Variants in STX8 observed in about 807,000 individuals in gnomAD.
STX8 encodes syntaxin-8.
A neutral mutation model predicts 37.5 loss-of-function variants in STX8; 23 were observed. That is an observed-to-expected ratio of 0.61 (90% CI 0.44 to 0.87). STX8 has a LOEUF of 0.87. STX8 is among the 40% of genes least tolerant of loss of function. The pLI is 0.00. For missense variants in STX8, 313 were observed against 284.7 expected, an observed-to-expected ratio of 1.10 and a Z score of -0.71; for synonymous variants, 115 against 99.1, an observed-to-expected ratio of 1.16 and a Z score of -0.95.
chr17:9,268,296 AAAAG>A (rs1907303806), intron 7 of STX8, among the ~76,000 whole-genome samples: 1 of 152,058 alleles, frequency 6.6e-6, no homozygotes, highest in Non-Finnish European at 1.5e-5. Flanking sequence ...AAAAAAAAAA[AAAAG>A]AGAGAGAGAG....
intron 6 of STX8, among the ~76,000 whole-genome samples, chr17:9,418,839 AG>A (rs1189869899): frequency 0.034 from 1,180 of 34,230 alleles, 3 homozygotes; most frequent in African/African-American, 0.075. Flanking sequence ...AAAAAAAAAA[AG>A]GGGGGGGGGA....
chr17:9,393,721 C>T (rs1158291902), intron 6 of STX8, among the ~76,000 whole-genome samples: 3 of 151,994 alleles, frequency 2.0e-5, no homozygotes, highest in African/African-American at 4.8e-5. Flanking sequence ...AATAAAAAAG[C>T]GGTACTAAGA....
intron 7 of STX8, chr17:9,378,106 A>G (rs1188349657): frequency 6.3e-6 from 1 of 158,316 alleles, no homozygotes; most frequent in African/African-American, 2.4e-5. Flanking sequence ...TTATCTTGGC[A>G]TATGAATCCC....
At chr17:9,544,850 G>A (rs1462664264) in intron 4 of STX8, among the ~76,000 whole-genome samples, 2 of 152,056 alleles carry the variant, frequency 1.3e-5, no homozygotes, top group African/African-American at 4.8e-5. Context: ...AAATTAGTCG[G>A]GCACGGTGGC....
rs574656364 is a variant in STX8, at chr17:9,322,607, G to A, written c.643+55945C>T. Among the ~76,000 whole-genome samples, 5 of 152,194 alleles carry A rather than the reference G, an allele frequency of 3.3e-5. No homozygotes were observed. The East Asian group carries it at 9.7e-4, about 29-fold the overall frequency. ...TTCACACCAGTCACCCTTGGAGACT[G>A]CTATTTATGCTAAAGAAATTTATCC... On this transcript the variant is annotated intron_variant, in intron 7 of 7. Transcript: ENST00000306357.
chr17:9,378,521 G>T, intron 7 of STX8, 31 bp downstream of exon 7: 1 of 1,570,546 alleles, frequency 6.4e-7, no homozygotes, highest in Non-Finnish European at 8.8e-7. Context: ...AGCTATGACA[G>T]AAACAGAGCC....
At chr17:9,518,508 T>C (rs1905221410) in intron 4 of STX8, among the ~76,000 whole-genome samples, 1 of 152,212 alleles carries the variant, frequency 6.6e-6, no homozygotes, top group South Asian at 2.1e-4. Context: ...GACTTAGATC[T>C]GCTCCTCTCA....
intron 6 of STX8, among the ~76,000 whole-genome samples, chr17:9,387,987 T>C (rs898150785): frequency 6.6e-6 from 1 of 152,132 alleles, no homozygotes; most frequent in African/African-American, 2.4e-5. Flanking sequence ...GGGATTAATG[T>C]TTTAATCTAG....
In STX8 at chr17:9,410,064, G is replaced by C. The variant is rs79061439; in HGVS notation, c.542-31411C>G. On this transcript the variant is annotated intron_variant, in intron 6 of 7. Transcript: ENST00000306357. ...GGGCAAGAAATCCAAAAACTGCTTT[G>C]GCAAGAGAACAGACAAATGCGATGG... Among the ~76,000 whole-genome samples the C allele has an allele frequency of 4.2e-3, 646 of 152,334 alleles. 26 individuals are homozygous for C. In the South Asian group the frequency reaches 0.076, roughly 18 times the overall value.
At chr17:9,482,597 T>G (rs1906392328) in intron 6 of STX8, among the ~76,000 whole-genome samples, 1 of 152,186 alleles carries the variant, frequency 6.6e-6, no homozygotes, top group Non-Finnish European at 1.5e-5. Context: ...TAGTGACTTG[T>G]GCACCAGCAA....
intron 7 of STX8, among the ~76,000 whole-genome samples, chr17:9,261,279 CAG>C (rs1173120740): frequency 6.6e-6 from 1 of 152,200 alleles, no homozygotes; most frequent in Non-Finnish European, 1.5e-5. Flanking sequence ...CGAGTCAGGT[CAG>C]AGTGGCTGGT....
chr17:9,394,350 A>G (rs1278662882), intron 6 of STX8, among the ~76,000 whole-genome samples: 3 of 152,118 alleles, frequency 2.0e-5, no homozygotes, highest in Non-Finnish European at 4.4e-5. Context: ...TGTATTACCA[A>G]AAGCTCATAT....
At chr17:9,268,134 A>T (rs890426259) in intron 7 of STX8, among the ~76,000 whole-genome samples, 5 of 152,146 alleles carry the variant, frequency 3.3e-5, no homozygotes, top group Non-Finnish European at 7.3e-5. Flanking sequence ...ACCCTAATTT[A>T]AGGATATTGC....
intron 6 of STX8, among the ~76,000 whole-genome samples, chr17:9,380,269 T>G (rs1911750022): frequency 6.8e-6 from 1 of 147,978 alleles, no homozygotes; most frequent in Non-Finnish European, 1.5e-5. Flanking sequence ...TTTTTTTTTT[T>G]TTTTTTTGAG....
intron 6 of STX8, among the ~76,000 whole-genome samples, chr17:9,380,197 C>A (rs1332493864): frequency 6.7e-6 from 1 of 150,144 alleles, no homozygotes; most frequent in Non-Finnish European, 1.5e-5. Flanking sequence ...ATGGTGGGAT[C>A]CTGTGTGACT....
chr17:9,398,505 A>T (rs966757845), intron 6 of STX8, among the ~76,000 whole-genome samples: 2 of 152,234 alleles, frequency 1.3e-5, no homozygotes, highest in African/African-American at 4.8e-5. Context: ...ATAATGCCGT[A>T]TCCTAGAACA....
At chr17:9,344,236 G>A (rs1487237732) in intron 7 of STX8, among the ~76,000 whole-genome samples, 3 of 147,236 alleles carry the variant, frequency 2.0e-5, no homozygotes, top group Admixed American at 7.1e-5. Flanking sequence ...CTGTAGGTGG[G>A]CAGTCTGCCT....
At chr17:9,532,751 A>G (rs925624952) in intron 4 of STX8, among the ~76,000 whole-genome samples, 10 of 152,168 alleles carry the variant, frequency 6.6e-5, no homozygotes, top group Non-Finnish European at 1.3e-4. Context: ...AGAGTCCCAA[A>G]AAATACCTCA....
intron 6 of STX8, among the ~76,000 whole-genome samples, chr17:9,429,902 T>TA (rs1567556889): frequency 0.014 from 16 of 1,174 alleles, 6 homozygotes; most frequent in African/African-American, 0.086. Context: ...ATATAATATA[T>TA]TATATATTAT....
Sources: gnomAD v4.1 joint callset for allele counts (sites outside exome capture counted in the v4.1 genomes callset) on GRCh38, gnomAD v4.1.1 for gene constraint, MANE v1.5 for transcripts, NCBI Gene and HGNC (gene_info 2026-07-23, HGNC 2026-07-21) for gene names.